Variants in HERC6 observed in about 807,000 individuals in gnomAD.
The protein encoded by HERC6 is HECT and RLD domain containing E3 ubiquitin protein ligase family member 6, also known as probable E3 ubiquitin-protein ligase HERC6.
HERC6 carries 101 observed loss-of-function variants against 114.5 expected under a neutral mutation model. The ratio of observed to expected loss-of-function variants is 0.88; its 90% CI spans 0.75 to 1.04. The LOEUF is 1.04. Ranked by LOEUF, HERC6 falls within the 50% of genes least tolerant of loss-of-function variation. The pLI, the probability that HERC6 is intolerant of heterozygous loss-of-function variation, is 0.00. For missense variants in HERC6, 1,133 were observed against 1,230.9 expected (o/e 0.92, Z 1.19); for synonymous variants, 408 against 436.2 (o/e 0.94, Z 0.81).
At position 88,428,662 on chromosome 4, in the gene HERC6, T is replaced by C. The variant is rs763112799; in HGVS notation, c.2018T>C (p.Ile673Thr). The C allele has an allele frequency of 9.3e-6, 15 of 1,607,424 alleles. No homozygotes were observed. In the South Asian group the frequency reaches 1.5e-4, roughly 16 times the overall value. The change falls in exon 16 of 23, where the codon ATA becomes ACA. Residue 673 changes from isoleucine (I) to threonine (T), a missense_variant. Transcript: ENST00000264346. ...GAATTTCCTCCATCACCCAGATTTA[T>C]ACTTAGAGTCAGACGAAGTCGCCTG... ...KDEFPPSPRF[I>T]LRVRRSRLVK... is the part of the protein sequence containing the mutation.
At chr4:88,438,572 C>T (rs1739004311) in intron 20 of HERC6, among the ~76,000 whole-genome samples, 1 of 152,110 alleles carries the variant, frequency 6.6e-6, no homozygotes, top group African/African-American at 2.4e-5. Context: ...AATATAATGT[C>T]AGATAAGGAT....
intron 16 of HERC6, among the ~76,000 whole-genome samples, chr4:88,430,187 T>C (rs181608678): frequency 1.4e-4 from 21 of 152,084 alleles, no homozygotes; most frequent in Admixed American, 5.2e-4. Flanking sequence ...CATTAAAAGA[T>C]AAAAGTAAAT....
chr4:88,408,003 A>C (rs1030652198), intron 10 of HERC6, among the ~76,000 whole-genome samples: 2 of 152,248 alleles, frequency 1.3e-5, no homozygotes, highest in African/African-American at 4.8e-5. Context: ...TTTTGAGATA[A>C]GGGATTCAAA....
At chr4:88,379,759 T>TATATAA in intron 1 of HERC6, among the ~76,000 whole-genome samples, 2 of 98,124 alleles carry the variant, frequency 2.0e-5, no homozygotes, top group Non-Finnish European at 3.6e-5. Context: ...AACATATAAA[T>TATATAA]ATATATAATA....
chr4:88,439,394 AAAAGGGAAGGGAAAGGG>A (rs1181914155), intron 20 of HERC6, among the ~76,000 whole-genome samples: 2 of 151,776 alleles, frequency 1.3e-5, no homozygotes, highest in South Asian at 2.1e-4. Context: ...AGAAAGAAAG[AAAAGGGAAGGGAAAGGG>A]AAAGGGAAGG....
chr4:88,408,518 C>G lies in HERC6; in HGVS notation c.1275-6C>G, dbSNP rs1380262579. 6.4e-7 allele frequency: 1 copy of G among 1,569,906 alleles called. No individual in the cohort carries two copies. Among genetic ancestry groups the G allele is most frequent in the East Asian group, 2.3e-5 (1 of 44,228 alleles). ...ATGTGGTTTCTTGCATTTCTTGTATCCAAAGAGGAACTGGAGAAACGACTT... is the reference window on the plus strand; with the variant it reads ...ATGTGGTTTCTTGCATTTCTTGTATGCAAAGAGGAACTGGAGAAACGACTT... On this transcript the variant is annotated splice_polypyrimidine_tract_variant and splice_region_variant and intron_variant, in intron 10 of 22. Coordinates refer to ENST00000264346, the MANE Select transcript of HERC6 (RefSeq NM_017912.4).
At chr4:88,379,645 T>A (rs891808243) in intron 1 of HERC6, among the ~76,000 whole-genome samples, 1 of 115,660 alleles carries the variant, frequency 8.6e-6, no homozygotes, top group Admixed American at 1.2e-4. Context: ...TAAAAATATA[T>A]ATATAAAATA....
chr4:88,439,660 G>A (rs369823152), intron 20 of HERC6, among the ~76,000 whole-genome samples: 1 of 152,104 alleles, frequency 6.6e-6, no homozygotes, highest in African/African-American at 2.4e-5. Context: ...TGAGGAAAGT[G>A]AGCCAAATAG....
intron 17 of HERC6, among the ~76,000 whole-genome samples, chr4:88,434,961 T>A (rs1046987288): frequency 3.3e-5 from 5 of 152,190 alleles, no homozygotes; most frequent in Non-Finnish European, 5.9e-5. Context: ...TTAGAATTTA[T>A]TTTCACAATT....
chr4:88,441,442 T>A (rs997830821), intron 22 of HERC6, among the ~76,000 whole-genome samples: 1 of 152,178 alleles, frequency 6.6e-6, no homozygotes, highest in Admixed American at 6.5e-5. Context: ...AGCTTGCCCA[T>A]GTTCAGACAG....
At chr4:88,401,091 T>C (rs1449846855) in intron 8 of HERC6, among the ~76,000 whole-genome samples, 1 of 152,144 alleles carries the variant, frequency 6.6e-6, no homozygotes, top group Non-Finnish European at 1.5e-5. Context: ...CCGAGTGGGC[T>C]GGACAGAGAA....
At chr4:88,409,454 C>T (rs1188324358) in intron 11 of HERC6, among the ~76,000 whole-genome samples, 1 of 152,154 alleles carries the variant, frequency 6.6e-6, no homozygotes, top group Non-Finnish European at 1.5e-5. Flanking sequence ...TATGAAATTA[C>T]TATATTCCAG....
At position 88,422,079 on chromosome 4, in the gene HERC6, G is replaced by A. The variant is rs373176115; in HGVS notation, c.1714-1781G>A. Among the ~76,000 whole-genome samples, 11 of 152,116 alleles carry A rather than the reference G, an allele frequency of 7.2e-5. No homozygotes were observed. In the East Asian group the frequency reaches 2.1e-3, roughly 29 times the overall value. ...TTCACTTTCACCATGGTGTCTTTAT[G>A]CACAAATGTTTTTTATTTTGATGAT... On this transcript the variant is annotated intron_variant, in intron 13 of 22. Transcript: ENST00000264346.
At chr4:88,401,919 G>T (rs1735565277) in intron 8 of HERC6, among the ~76,000 whole-genome samples, 1 of 152,192 alleles carries the variant, frequency 6.6e-6, no homozygotes, top group Admixed American at 6.5e-5. Context: ...ATGTTAGGCT[G>T]CTTCAGTTGG....
At chr4:88,424,087 C>A in intron 14 of HERC6, 114 bp downstream of exon 14, 1 of 568,060 alleles carries the variant, frequency 1.8e-6, no homozygotes, top group Non-Finnish European at 3.1e-6. Flanking sequence ...TTTTTAATTG[C>A]AATGATAAAT....
chr4:88,404,998 G>A lies in HERC6; in HGVS notation c.1214+1G>A, dbSNP rs771533749. 6.2e-6 allele frequency: 10 copies of A among 1,612,742 alleles called. No homozygotes were observed. The highest frequency in any genetic ancestry group is 7.6e-6 in the Non-Finnish European group (9 of 1,179,210). The stretch of plus-strand genomic sequence containing the variant: ...GTACTGAACATGAAATGGCTAAAAG[G>A]TGGCTCTGTCTGATAAATTATAAGC... On this transcript the variant is annotated splice_donor_variant, in intron 9 of 22. Transcript: ENST00000264346. LOFTEE classifies it high-confidence loss of function.
At chr4:88,395,874 A>T (rs1454671233) in intron 5 of HERC6, 141 bp from the exon 6 acceptor site, 15 of 645,022 alleles carry the variant, frequency 2.3e-5, no homozygotes, top group Non-Finnish European at 3.5e-5. Flanking sequence ...CTATTAGAAA[A>T]AATAAAGGAT....
chr4:88,380,334 TA>T (rs1416848279), intron 1 of HERC6, among the ~76,000 whole-genome samples: 1 of 53,456 alleles, frequency 1.9e-5, no homozygotes, highest in African/African-American at 1.0e-4. Flanking sequence ...ATATAATATA[TA>T]AATATATATA....
At position 88,385,528 on chromosome 4, in the gene HERC6, T is replaced by C. The variant is rs956144784; in HGVS notation, c.389T>C (p.Ile130Thr). 2.0e-6 allele frequency: 3 copies of C among 1,494,226 alleles called. No individual in the cohort carries two copies. Among genetic ancestry groups the C allele is most frequent in the East Asian group, 2.5e-5 (1 of 40,076 alleles). The allele number at this position is 1,494,226 out of a possible 1,614,324, so 92.6% of individuals were successfully genotyped here. A position where few individuals can be genotyped will look rare whatever the true frequency, so the allele number is the denominator to read the frequency against. ...ATAATGACTCTGAATGATATAAAAA[T>C]AATACAAGTTTCCTGTGGACACTAC... ...KKIMTLNDIK[I>T]IQVSCGHYHS... The change falls in exon 3 of 23, where the codon ATA (isoleucine) becomes ACA (threonine). Residue 130 changes from isoleucine (I) to threonine (T), a missense_variant. Physicochemically the swap from Ile to Thr is moderately conservative, Grantham distance 89 (BLOSUM62 -1). Around this residue, in one of 3 missense-constraint regions of HERC6, gnomAD observed 735 missense variants for 754.0 expected, o/e 0.97. Coordinates refer to ENST00000264346, the MANE Select transcript of HERC6 (RefSeq NM_017912.4).
Sources: gnomAD v4.1 joint callset for allele counts (sites outside exome capture counted in the v4.1 genomes callset) on GRCh38, gnomAD v4.1.1 for gene constraint, gnomAD v4.1.1 regional missense constraint, MANE v1.5 for transcripts, NCBI Gene and HGNC (gene_info 2026-07-23, HGNC 2026-07-21) for gene names.